The following PLEKHA5 variants were observed in gnomAD, a reference collection of about 807,000 sequenced individuals.
The protein encoded by PLEKHA5 is pleckstrin homology domain-containing family A member 5.
In PLEKHA5, 55 loss-of-function variants were observed where a neutral mutation model predicts 181.9. The ratio of observed to expected loss-of-function variants is 0.30; its 90% CI spans 0.24 to 0.38. PLEKHA5 has a LOEUF of 0.38. Ranked by LOEUF, PLEKHA5 falls within the 10% of genes least tolerant of loss-of-function variation. The probability of loss-of-function intolerance (pLI) is 1.00; values close to 1 mark genes in which losing one functional copy is unlikely to be tolerated. For missense variants in PLEKHA5, 1,432 were observed against 1,549.5 expected, an observed-to-expected ratio of 0.92 and a Z score of 1.27; for synonymous variants, 535 against 529.4, an observed-to-expected ratio of 1.01 and a Z score of -0.15.
intron 3 of PLEKHA5, among the ~76,000 whole-genome samples, chr12:19,197,428 A>G (rs1373684115): frequency 2.0e-5 from 3 of 152,000 alleles, no homozygotes; most frequent in Admixed American, 6.6e-5. Context: ...CTCACGTCTC[A>G]CCTTTTGAAT....
chr12:19,134,752 TCACA>T (rs1021082902), intron 3 of PLEKHA5, among the ~76,000 whole-genome samples: 11 of 152,160 alleles, frequency 7.2e-5, no homozygotes, highest in African/African-American at 2.7e-4. Context: ...ACTCCCATTG[TCACA>T]CACATAATAA....
At chr12:19,132,712 T>G (rs1249792285) in intron 3 of PLEKHA5, among the ~76,000 whole-genome samples, 2 of 152,064 alleles carry the variant, frequency 1.3e-5, no homozygotes, top group Admixed American at 6.5e-5. Flanking sequence ...AAAAATAATT[T>G]TGTATCTTCG....
At chr12:19,354,023 C>T in intron 26 of PLEKHA5, 21 bp downstream of exon 26, 1 of 1,154,992 alleles carries the variant, frequency 8.7e-7, no homozygotes. Flanking sequence ...GGAAATTAAT[C>T]TTCTAGGAAG....
chr12:19,159,107 T>TA (rs1389663231), intron 3 of PLEKHA5, among the ~76,000 whole-genome samples: 2 of 152,082 alleles, frequency 1.3e-5, no homozygotes, highest in Non-Finnish European at 2.9e-5. Context: ...GCCTCTGTCA[T>TA]AAAAAAAGAG....
intron 3 of PLEKHA5, among the ~76,000 whole-genome samples, chr12:19,146,411 TA>T (rs1283211216): frequency 1.3e-5 from 2 of 152,250 alleles, no homozygotes; most frequent in Non-Finnish European, 2.9e-5. Flanking sequence ...GTTAGGTATT[TA>T]TTTGTATTTT....
chr12:19,256,727 TTA>T (rs1436100658), intron 5 of PLEKHA5, among the ~76,000 whole-genome samples: 1 of 152,216 alleles, frequency 6.6e-6, no homozygotes, highest in African/African-American at 2.4e-5. Context: ...AGAGATAATT[TTA>T]TGTTACTTTA....
chr12:19,168,813 G>A (rs907468005), intron 3 of PLEKHA5, among the ~76,000 whole-genome samples: 1 of 152,182 alleles, frequency 6.6e-6, no homozygotes, highest in Non-Finnish European at 1.5e-5. Context: ...ATGAATAATG[G>A]TGAAATAATG....
intron 12 of PLEKHA5, among the ~76,000 whole-genome samples, chr12:19,285,591 CTCT>C (rs2077048984): frequency 6.6e-6 from 1 of 152,104 alleles, no homozygotes; most frequent in Admixed American, 6.5e-5. Flanking sequence ...TTCCTATTTG[CTCT>C]AGTAGTGCAG....
At chr12:19,244,206 A>T (rs147447211) in intron 3 of PLEKHA5, among the ~76,000 whole-genome samples, 2 of 152,196 alleles carry the variant, frequency 1.3e-5, no homozygotes, top group African/African-American at 4.8e-5. Flanking sequence ...TGTGATTTCT[A>T]TTGATGAAAT....
intron 12 of PLEKHA5, among the ~76,000 whole-genome samples, chr12:19,285,274 T>G (rs2076984034): frequency 6.6e-6 from 1 of 152,340 alleles, no homozygotes; most frequent in East Asian, 1.9e-4. Context: ...CAATTGGCTC[T>G]AAATTACATG....
At position 19,358,383 on chromosome 12, in the gene PLEKHA5, GTCACCCTTACAAAGCCCT is replaced by G. The variant is rs1272444799; in HGVS notation, c.3298_3315del (p.Pro1100_Ser1105del). 1 of 1,613,716 alleles carries G rather than the reference GTCACCCTTACAAAGCCCT, an allele frequency of 6.2e-7. No homozygotes were observed. The highest frequency in any genetic ancestry group is 1.3e-5 in the African/African-American group (1 of 74,898). On this transcript the variant is annotated inframe_deletion, in exon 27 of 32. Transcript: ENST00000429027. ...TAAATGTTATCGGTGCTTCAGACCA[GTCACCCTTACAAAGCCCT>G]TCAAATTTAAGGGATAATCCATTTA... is the stretch of plus-strand genomic sequence containing the variant.
At chr12:19,231,604 A>G (rs11044457) in intron 3 of PLEKHA5, among the ~76,000 whole-genome samples, 2 of 78,128 alleles carry the variant, frequency 2.6e-5, no homozygotes, top group Non-Finnish European at 3.7e-5. Context: ...GTACACATAT[A>G]TATATATAAA....
At chr12:19,194,179 T>G (rs1488864185) in intron 3 of PLEKHA5, among the ~76,000 whole-genome samples, 1 of 152,232 alleles carries the variant, frequency 6.6e-6, no homozygotes, top group East Asian at 1.9e-4. Context: ...TTCCCACTTA[T>G]AAGTGAGAGC....
At position 19,375,774 on chromosome 12, in the gene PLEKHA5, CATAA is replaced by C. The variant is rs1198059506; in HGVS notation, c.*256_*259del. 6.6e-6 allele frequency: 1 copy of C among 152,562 alleles called. No individual in the cohort carries two copies. Among genetic ancestry groups the C allele is most frequent in the African/African-American group, 2.4e-5 (1 of 41,424 alleles). The allele number at this position is 152,562 out of a possible 1,614,324, so 9.5% of individuals were successfully genotyped here. On this transcript the variant is annotated 3_prime_UTR_variant, in exon 32 of 32. Coordinates refer to ENST00000429027, the MANE Select transcript of PLEKHA5 (RefSeq NM_001256470.2). The stretch of plus-strand genomic sequence containing the variant: ...AGCTTGCTGCTATGATTTCAGAGCA[CATAA>C]GTAAAGGTGCTTTTTAATGTGCAGT...
intron 3 of PLEKHA5, among the ~76,000 whole-genome samples, chr12:19,208,538 T>C (rs1222102064): frequency 6.6e-6 from 1 of 152,210 alleles, no homozygotes; most frequent in Non-Finnish European, 1.5e-5. Context: ...TTAGGGGACT[T>C]TTTCTTAAAT....
chr12:19,288,077 C>CAAAA (rs9300127), intron 13 of PLEKHA5: 48 of 185,960 alleles, frequency 2.6e-4, no homozygotes, highest in East Asian at 6.5e-4. Flanking sequence ...GACTCTGTCT[C>CAAAA]AAAAAAAAAA....
intron 5 of PLEKHA5, 74 bp from the exon 6 acceptor site, chr12:19,257,359 A>G: frequency 1.4e-6 from 1 of 692,912 alleles, no homozygotes; most frequent in Non-Finnish European, 2.5e-6. Context: ...AAGAGATTAA[A>G]TTTTAAGAGG....
intron 15 of PLEKHA5, among the ~76,000 whole-genome samples, chr12:19,292,532 A>G (rs1041612706): frequency 2.0e-5 from 3 of 152,206 alleles, no homozygotes; most frequent in Admixed American, 6.5e-5. Flanking sequence ...TGTACTTCCA[A>G]TGTTTGGTCT....
intron 3 of PLEKHA5, among the ~76,000 whole-genome samples, chr12:19,214,964 G>A (rs948236283): frequency 2.6e-5 from 4 of 152,022 alleles, no homozygotes; most frequent in African/African-American, 9.7e-5. Flanking sequence ...GATCACCTGA[G>A]GTCAGGAGTT....
Sources: gnomAD v4.1 joint callset for allele counts (sites outside exome capture counted in the v4.1 genomes callset) on GRCh38, gnomAD v4.1.1 for gene constraint, MANE v1.5 for transcripts, NCBI Gene and HGNC (gene_info 2026-07-23, HGNC 2026-07-21) for gene names.